STPG2: variants seen among roughly 807,000 people sequenced by gnomAD.
STPG2 encodes sperm tail PG-rich repeat containing 2.
A neutral mutation model predicts 54.2 loss-of-function variants in STPG2; 56 were observed. That is an observed-to-expected ratio of 1.03 (90% CI 0.83 to 1.29). STPG2 has a LOEUF of 1.29. Ranked by LOEUF, STPG2 falls within the 50% of genes most tolerant of loss-of-function variation. The pLI, the probability that STPG2 is intolerant of heterozygous loss-of-function variation, is 0.00. For missense variants in STPG2, 596 were observed against 544.9 expected, an observed-to-expected ratio of 1.09 and a Z score of -0.93; for synonymous variants, 200 against 181.8, an observed-to-expected ratio of 1.10 and a Z score of -0.81.
At chr4:97,749,051 A>G (rs1437959491) in intron 9 of STPG2, among the ~76,000 whole-genome samples, 2 of 151,626 alleles carry the variant, frequency 1.3e-5, no homozygotes, top group African/African-American at 4.8e-5. Flanking sequence ...TATAAAGCAG[A>G]TGTTCCCAAT....
intron 5 of STPG2, among the ~76,000 whole-genome samples, chr4:98,077,578 G>C (rs1738212295): frequency 6.6e-6 from 1 of 152,094 alleles, no homozygotes; most frequent in Admixed American, 6.6e-5. Context: ...AAGCCAAAAA[G>C]TTTGAGAATT....
intron 8 of STPG2, among the ~76,000 whole-genome samples, chr4:97,862,046 T>A (rs540020190): frequency 1.1e-4 from 17 of 152,168 alleles, no homozygotes; most frequent in Non-Finnish European, 2.1e-4. Flanking sequence ...AACATCATAA[T>A]GACAGAATCA....
intron 8 of STPG2, among the ~76,000 whole-genome samples, chr4:97,861,802 A>T (rs1422040390): frequency 2.0e-5 from 3 of 152,176 alleles, no homozygotes; most frequent in Non-Finnish European, 4.4e-5. Context: ...TCAACCCAGA[A>T]TTTCATATCC....
intron 5 of STPG2, among the ~76,000 whole-genome samples, chr4:97,983,362 C>A (rs895036019): frequency 6.6e-6 from 1 of 152,094 alleles, no homozygotes; most frequent in Non-Finnish European, 1.5e-5. Context: ...TTAACAATAG[C>A]CAATTTGTAG....
At chr4:97,781,025 G>C (rs1190642734) in intron 9 of STPG2, among the ~76,000 whole-genome samples, 1 of 152,060 alleles carries the variant, frequency 6.6e-6, no homozygotes, top group African/African-American at 2.4e-5. Flanking sequence ...AAAAGAACTA[G>C]AGAAGCAAGA....
chr4:97,716,982 T>C (rs1724310331), intron 9 of STPG2, among the ~76,000 whole-genome samples: 1 of 152,186 alleles, frequency 6.6e-6, no homozygotes, highest in Non-Finnish European at 1.5e-5. Flanking sequence ...ACACATTTTC[T>C]CATACTGATT....
At chr4:98,037,385 T>A (rs1736809901) in intron 5 of STPG2, among the ~76,000 whole-genome samples, 1 of 152,110 alleles carries the variant, frequency 6.6e-6, no homozygotes, top group Non-Finnish European at 1.5e-5. Flanking sequence ...CATCTTAATG[T>A]ATATACAAAA....
At chr4:98,042,067 T>A (rs917074836) in intron 5 of STPG2, among the ~76,000 whole-genome samples, 1 of 151,998 alleles carries the variant, frequency 6.6e-6, no homozygotes, top group Non-Finnish European at 1.5e-5. Flanking sequence ...CTGGAAATAA[T>A]ATGTTTCCAG....
chr4:98,024,621 A>G (rs11730069), intron 5 of STPG2, among the ~76,000 whole-genome samples: 59,982 of 152,068 alleles, frequency 0.39, 12,069 homozygotes, highest in Middle Eastern at 0.46. Context: ...TACAAGAATA[A>G]ACCAAAGTAT....
At chr4:97,940,595 T>C (rs942046008) in intron 8 of STPG2, among the ~76,000 whole-genome samples, 2 of 152,212 alleles carry the variant, frequency 1.3e-5, no homozygotes, top group African/African-American at 4.8e-5. Flanking sequence ...TCTTCTGCTA[T>C]TAATACTTGC....
intron 9 of STPG2, among the ~76,000 whole-genome samples, chr4:97,752,005 C>T (rs778099823): frequency 7.3e-5 from 11 of 151,668 alleles, no homozygotes; most frequent in Non-Finnish European, 1.2e-4. Context: ...AAAAACACTA[C>T]TTTTTCTAAT....
chr4:97,634,009 G>C (rs186122305), intron 10 of STPG2, among the ~76,000 whole-genome samples: 2,797 of 152,236 alleles, frequency 0.018, 78 homozygotes, highest in African/African-American at 0.061. Context: ...GGAGGCCTGC[G>C]TGCCTCTCTA....
intron 8 of STPG2, among the ~76,000 whole-genome samples, chr4:97,859,323 C>G (rs1458272839): frequency 2.6e-5 from 4 of 152,094 alleles, no homozygotes; most frequent in Non-Finnish European, 5.9e-5. Context: ...GCATAGTTTT[C>G]AAATATTTTC....
At chr4:97,442,719 T>A (rs537932269) in intron 4 of STPG2, among the ~76,000 whole-genome samples, 10 of 152,272 alleles carry the variant, frequency 6.6e-5, no homozygotes, top group Admixed American at 5.2e-4. Context: ...CTTATTTTTG[T>A]GTGACACCAT....
intron 8 of STPG2, among the ~76,000 whole-genome samples, chr4:97,855,524 T>C (rs1043687759): frequency 3.3e-5 from 5 of 152,152 alleles, no homozygotes; most frequent in African/African-American, 1.2e-4. Flanking sequence ...AGGTTGTTTT[T>C]TTTTCTTGTA....
chr4:97,995,522 T>G (rs977876506), intron 5 of STPG2, among the ~76,000 whole-genome samples: 1 of 152,128 alleles, frequency 6.6e-6, no homozygotes, highest in East Asian at 1.9e-4. Context: ...AAAGATAAAT[T>G]GATAGGAAAC....
intron 5 of STPG2, among the ~76,000 whole-genome samples, chr4:97,998,299 G>A (rs537348974): frequency 1.8e-4 from 28 of 152,178 alleles, no homozygotes; most frequent in Middle Eastern, 3.4e-3. Flanking sequence ...AGCCCAGAGC[G>A]TCCTTACAAG....
At chr4:97,726,234 G>A (rs1389629569) in intron 9 of STPG2, among the ~76,000 whole-genome samples, 1 of 151,914 alleles carries the variant, frequency 6.6e-6, no homozygotes, top group Non-Finnish European at 1.5e-5. Context: ...CTCATATGAG[G>A]TGGCTAAAGT....
chr4:97,489,988 T>C (rs1730463472), intron 4 of STPG2: 1 of 151,436 alleles, frequency 6.6e-6, no homozygotes, highest in Non-Finnish European at 1.5e-5. Context: ...TCAATGTCTG[T>C]CTTTTAGATG....
Sources: allele counts gnomAD v4.1 joint callset (sites outside exome capture counted in the v4.1 genomes callset), GRCh38; gene constraint gnomAD v4.1.1; transcripts MANE v1.5; gene names NCBI Gene and HGNC (gene_info 2026-07-23, HGNC 2026-07-21).